The following SNTG1 variants were observed in gnomAD, a reference collection of about 807,000 sequenced individuals.
SNTG1 encodes the protein gamma-1-syntrophin.
In SNTG1, 39 loss-of-function variants were observed where a neutral mutation model predicts 74.7. The observed-to-expected ratio is 0.52, with a 90% CI of 0.40 to 0.68. The LOEUF is 0.68. Among genes scored for constraint, SNTG1 ranks in the 30% least tolerant of loss-of-function variants. SNTG1 has a pLI of 0.00. For synonymous variants in SNTG1, 254 were observed against 217.1 expected (o/e 1.17, Z -1.49); for missense variants, 685 against 609.5 (o/e 1.12, Z -1.30).
chr8:50,153,025 G>T (rs893545655), intron 1 of SNTG1, among the ~76,000 whole-genome samples: 4 of 152,128 alleles, frequency 2.6e-5, no homozygotes, highest in Non-Finnish European at 4.4e-5. Flanking sequence ...TATTCTCCCC[G>T]TCACTTTCAG....
chr8:50,013,329 T>C (rs921887603), intron 1 of SNTG1, among the ~76,000 whole-genome samples: 2 of 152,100 alleles, frequency 1.3e-5, no homozygotes, highest in African/African-American at 2.4e-5. Flanking sequence ...TCATAGACTT[T>C]TATTTGCATT....
chr8:50,194,644 C>G (rs764106145), intron 2 of SNTG1, among the ~76,000 whole-genome samples: 3 of 151,786 alleles, frequency 2.0e-5, no homozygotes, highest in African/African-American at 4.8e-5. Flanking sequence ...ATTTTTTGTA[C>G]TTCTTTTGGT....
At chr8:50,083,500 T>C (rs911440522) in intron 1 of SNTG1, among the ~76,000 whole-genome samples, 3 of 152,196 alleles carry the variant, frequency 2.0e-5, no homozygotes, top group Admixed American at 2.0e-4. Context: ...GGGCTTCTAG[T>C]AAAACAGAAA....
chr8:50,441,153 T>G (rs1320144761), intron 5 of SNTG1, among the ~76,000 whole-genome samples: 1 of 152,074 alleles, frequency 6.6e-6, no homozygotes, highest in Non-Finnish European at 1.5e-5. Flanking sequence ...GTTTTGTTGA[T>G]TAATATGTCT....
intron 4 of SNTG1, among the ~76,000 whole-genome samples, chr8:50,412,822 T>C: frequency 6.6e-6 from 1 of 152,232 alleles, no homozygotes; most frequent in East Asian, 1.9e-4. Flanking sequence ...GGTTTAGTCA[T>C]GGGACATGTT....
chr8:50,356,347 C>G (rs1417817347), intron 2 of SNTG1, among the ~76,000 whole-genome samples: 2 of 152,084 alleles, frequency 1.3e-5, no homozygotes, highest in Non-Finnish European at 2.9e-5. Flanking sequence ...GGGTGCCTCA[C>G]AGTACTGTTG....
chr8:49,974,914 T>C (rs1229624000), intron 1 of SNTG1, among the ~76,000 whole-genome samples: 2 of 152,150 alleles, frequency 1.3e-5, no homozygotes, highest in Non-Finnish European at 2.9e-5. Context: ...AATCCCTTTA[T>C]GGCAGAACTT....
intron 17 of SNTG1, among the ~76,000 whole-genome samples, chr8:50,743,071 T>C (rs1437093675): frequency 1.5e-5 from 2 of 136,190 alleles, no homozygotes; most frequent in Non-Finnish European, 3.2e-5. Context: ...TACCAAACAT[T>C]AAAAAAATCA....
chr8:50,537,547 A>G (rs767458064), intron 11 of SNTG1, among the ~76,000 whole-genome samples: 13 of 151,826 alleles, frequency 8.6e-5, no homozygotes, highest in Non-Finnish European at 1.9e-4. Flanking sequence ...GGAGTTGTAC[A>G]TTTTGTTGAT....
chr8:50,254,264 C>T (rs1200106016), intron 2 of SNTG1, among the ~76,000 whole-genome samples: 1 of 152,116 alleles, frequency 6.6e-6, no homozygotes, highest in African/African-American at 2.4e-5. Context: ...ACTATATTCT[C>T]GATCAATACA....
rs1269432224 is a variant in SNTG1 at position 50,794,514 on chromosome 8, G to A, written c.*1685G>A. On this transcript the variant is annotated 3_prime_UTR_variant, in exon 19 of 19. Coordinates refer to ENST00000642720, the MANE Select transcript of SNTG1 (RefSeq NM_018967.5). ...TAATGTATTTTGACCGTAAAACTAA[G>A]TACACATTTGTAATTAGGATAGAAC... 1 of 151,878 alleles carries A rather than the reference G, an allele frequency of 6.6e-6. No individual in the cohort carries two copies. Among genetic ancestry groups the A allele is most frequent in the Non-Finnish European group, 1.5e-5 (1 of 67,928 alleles). 9.4% of individuals were successfully genotyped at this position (151,878 alleles called of 1,614,324 possible).
At chr8:50,133,875 C>G (rs2081389829) in intron 1 of SNTG1, among the ~76,000 whole-genome samples, 1 of 152,154 alleles carries the variant, frequency 6.6e-6, no homozygotes, top group Admixed American at 6.5e-5. Context: ...TTCAATATGT[C>G]TTTTTGAAAG....
intron 1 of SNTG1, among the ~76,000 whole-genome samples, chr8:49,972,412 C>T (rs1184802954): frequency 6.6e-6 from 1 of 151,998 alleles, no homozygotes; most frequent in African/African-American, 2.4e-5. Context: ...CCATAAAAAC[C>T]CTAGAAGAAA....
intron 2 of SNTG1, among the ~76,000 whole-genome samples, chr8:50,348,210 C>G (rs2091539749): frequency 6.6e-6 from 1 of 152,090 alleles, no homozygotes; most frequent in Admixed American, 6.5e-5. Context: ...ACTCAGAGAA[C>G]CCAGAGACAT....
chr8:50,430,340 T>C (rs2093219201), intron 4 of SNTG1, among the ~76,000 whole-genome samples: 1 of 152,192 alleles, frequency 6.6e-6, no homozygotes, highest in African/African-American at 2.4e-5. Flanking sequence ...AATATTAAGC[T>C]AAACATGAGT....
intron 2 of SNTG1, among the ~76,000 whole-genome samples, chr8:50,317,725 A>G (rs1286564998): frequency 6.6e-6 from 1 of 152,234 alleles, no homozygotes; most frequent in Non-Finnish European, 1.5e-5. Context: ...TCCTTATGAC[A>G]TCGTTTGCCT....
At chr8:50,470,520 G>C (rs1040408207) in intron 8 of SNTG1, among the ~76,000 whole-genome samples, 4 of 152,086 alleles carry the variant, frequency 2.6e-5, no homozygotes, top group African/African-American at 9.7e-5. Context: ...CCTTCGTAGT[G>C]AGTGTTACAG....
intron 2 of SNTG1, among the ~76,000 whole-genome samples, chr8:50,189,388 C>T (rs935585357): frequency 5.3e-5 from 8 of 151,910 alleles, no homozygotes; most frequent in Non-Finnish European, 8.8e-5. Flanking sequence ...GGCCCTAACC[C>T]CAGAGTTTCT....
At chr8:49,938,577 C>CTTTTT (rs1424217147) in intron 1 of SNTG1, among the ~76,000 whole-genome samples, 1 of 25,364 alleles carries the variant, frequency 3.9e-5, no homozygotes, top group Non-Finnish European at 8.7e-5. Context: ...CTTTTCTTTT[C>CTTTTT]TTTTCTTTTC....
Sources: gnomAD v4.1 joint callset for allele counts (sites outside exome capture counted in the v4.1 genomes callset) on GRCh38, gnomAD v4.1.1 for gene constraint, MANE v1.5 for transcripts, NCBI Gene and HGNC (gene_info 2026-07-23, HGNC 2026-07-21) for gene names.